Variants in HDAC9 observed in about 807,000 individuals in gnomAD.
The protein encoded by HDAC9 is MEF-2 interacting transcription repressor (MITR) protein.
A neutral mutation model predicts 139.4 loss-of-function variants in HDAC9; 41 were observed. That is an observed-to-expected ratio of 0.29 (90% CI 0.23 to 0.38). The LOEUF (loss-of-function observed/expected upper bound fraction) is 0.38, where lower values mean the gene tolerates loss of function less well. Ranked by LOEUF, HDAC9 falls within the 10% of genes least tolerant of loss-of-function variation. The probability of loss-of-function intolerance (pLI) is 1.00; values close to 1 mark genes in which losing one functional copy is unlikely to be tolerated. For missense variants in HDAC9, 1,147 were observed against 1,297.0 expected (o/e 0.88, Z 1.78); for synonymous variants, 517 against 476.2 (o/e 1.09, Z -1.12).
chr7:18,918,574 C>G (rs1300610338), intron 22 of HDAC9, among the ~76,000 whole-genome samples: 1 of 151,942 alleles, frequency 6.6e-6, no homozygotes, highest in African/African-American at 2.4e-5. Context: ...AGTTAAGCCA[C>G]CAAAATAACC....
At chr7:18,527,757 T>A (rs1807418651) in intron 2 of HDAC9, among the ~76,000 whole-genome samples, 1 of 152,126 alleles carries the variant, frequency 6.6e-6, no homozygotes, top group Non-Finnish European at 1.5e-5. Flanking sequence ...AAAATTGTAT[T>A]ATTATTTTTT....
chr7:18,281,379 G>A (rs977286415), intron 2 of HDAC9, among the ~76,000 whole-genome samples: 2 of 152,142 alleles, frequency 1.3e-5, no homozygotes, highest in Non-Finnish European at 2.9e-5. Context: ...GATTTACTCT[G>A]CTTAAGTACT....
At chr7:18,240,349 C>G (rs1423543648) in intron 2 of HDAC9, among the ~76,000 whole-genome samples, 1 of 152,130 alleles carries the variant, frequency 6.6e-6, no homozygotes, top group Non-Finnish European at 1.5e-5. Context: ...ATTTCTTACC[C>G]TATACTGCAT....
At chr7:18,474,421 T>C (rs999049626) in intron 1 of HDAC9, among the ~76,000 whole-genome samples, 1 of 152,220 alleles carries the variant, frequency 6.6e-6, no homozygotes, top group Non-Finnish European at 1.5e-5. Context: ...CTAGCCACAA[T>C]AATCACTAGG....
intron 12 of HDAC9, among the ~76,000 whole-genome samples, chr7:18,690,204 G>A (rs10276613): frequency 0.31 from 46,673 of 151,836 alleles, 9,656 homozygotes; most frequent in African/African-American, 0.55. Flanking sequence ...ATATTCCTGA[G>A]TGTTAGATGT....
At chr7:18,942,433 C>G (rs928662554) in intron 23 of HDAC9, among the ~76,000 whole-genome samples, 3 of 151,794 alleles carry the variant, frequency 2.0e-5, no homozygotes, top group African/African-American at 7.3e-5. Flanking sequence ...GGGGCTGAAT[C>G]TGGGTAATGG....
At chr7:18,470,620 C>G (rs1794651135) in intron 1 of HDAC9, among the ~76,000 whole-genome samples, 1 of 152,096 alleles carries the variant, frequency 6.6e-6, no homozygotes, top group Non-Finnish European at 1.5e-5. Flanking sequence ...GGCTATATGG[C>G]CTCTGCTACA....
At chr7:18,172,779 C>T (rs1449226517) in intron 2 of HDAC9, among the ~76,000 whole-genome samples, 1 of 152,166 alleles carries the variant, frequency 6.6e-6, no homozygotes. Flanking sequence ...GTTTCTTAAT[C>T]CTGAGTTCTA....
At chr7:18,096,435 T>A (rs914322738) in intron 1 of HDAC9, among the ~76,000 whole-genome samples, 3 of 152,200 alleles carry the variant, frequency 2.0e-5, no homozygotes, top group African/African-American at 7.2e-5. Context: ...TTTTTAAACG[T>A]TTATTCAGAA....
chr7:18,532,312 A>G, intron 2 of HDAC9, among the ~76,000 whole-genome samples: 1 of 152,072 alleles, frequency 6.6e-6, no homozygotes, highest in East Asian at 1.9e-4. Context: ...CTTCCATACT[A>G]AGGCATCACA....
chr7:18,928,060 G>A (rs549528979), intron 22 of HDAC9, among the ~76,000 whole-genome samples: 3 of 152,248 alleles, frequency 2.0e-5, no homozygotes, highest in African/African-American at 2.4e-5. Flanking sequence ...AATCATGATC[G>A]AGGTATCTTT....
At chr7:18,213,427 A>C (rs1283059301) in intron 2 of HDAC9, among the ~76,000 whole-genome samples, 2 of 152,162 alleles carry the variant, frequency 1.3e-5, no homozygotes, top group Non-Finnish European at 2.9e-5. Flanking sequence ...AATTACTATA[A>C]ACTCTGATAA....
In HDAC9 at chr7:18,718,977, G is replaced by A. The variant is rs192913526; in HGVS notation, c.1732-8603G>A. Among the ~76,000 whole-genome samples the A allele has an allele frequency of 3.6e-4, 55 of 152,268 alleles. No individual in the cohort carries two copies. In the East Asian group the frequency reaches 4.6e-3, roughly 13 times the overall value. ...TAATAAACATTCTAATTGGTGTGAA[G>A]TTGTAAATTGTTGGGGTTTTGATTT... On this transcript the variant is annotated intron_variant, in intron 12 of 25. Transcript: ENST00000686413.
chr7:18,654,633 A>G (rs1459260080), intron 11 of HDAC9, among the ~76,000 whole-genome samples: 5 of 152,128 alleles, frequency 3.3e-5, no homozygotes, highest in African/African-American at 1.2e-4. Context: ...GTCTTATTTT[A>G]TGACCAAGCA....
chr7:18,569,966 A>T (rs555398675), intron 2 of HDAC9, among the ~76,000 whole-genome samples: 1 of 152,198 alleles, frequency 6.6e-6, no homozygotes, highest in African/African-American at 2.4e-5. Context: ...ACTTTCTTCA[A>T]TTAAAAAGTA....
At chr7:18,972,580 C>A (rs539312046) in intron 24 of HDAC9, among the ~76,000 whole-genome samples, 1 of 152,018 alleles carries the variant, frequency 6.6e-6, no homozygotes, top group South Asian at 2.1e-4. Context: ...GGGATTTCAC[C>A]GTGTTGGCCA....
rs117750200 is a variant in HDAC9 at position 18,185,109 on chromosome 7, C to G, written c.25+22760C>G. 5.3e-5 allele frequency among the ~76,000 whole-genome samples: 8 copies of G among 152,316 alleles called. No individual in the cohort carries two copies. The East Asian group carries it at 1.5e-3, about 29-fold the overall frequency. On this transcript the variant is annotated intron_variant, in intron 2 of 12. Transcript: ENST00000417496. ...AATTTGCAATAAAGCCCAAGACTGGCTTTCAAAGCAAGTGATTTTTATGGT... is the reference window on the plus strand; with the variant it reads ...AATTTGCAATAAAGCCCAAGACTGGGTTTCAAAGCAAGTGATTTTTATGGT...
intron 17 of HDAC9, among the ~76,000 whole-genome samples, chr7:18,795,257 T>TAAA (rs5882676): frequency 2.9e-4 from 19 of 65,492 alleles, no homozygotes; most frequent in South Asian, 1.9e-3. Context: ...AAGAAAACAG[T>TAAA]AAAAAAAAAA....
At chr7:18,591,465 CTGTG>C in intron 4 of HDAC9, 47 bp from the exon 5 acceptor site, 2 of 1,474,272 alleles carry the variant, frequency 1.4e-6, no homozygotes, top group Non-Finnish European at 9.0e-7. Context: ...ACATCTGTTT[CTGTG>C]TGTGTATGTG....
Sources: allele counts gnomAD v4.1 joint callset (sites outside exome capture counted in the v4.1 genomes callset), GRCh38; gene constraint gnomAD v4.1.1; transcripts MANE v1.5; gene names NCBI Gene and HGNC (gene_info 2026-07-23, HGNC 2026-07-21).